Variants in NMT2 observed in about 807,000 individuals in gnomAD.
NMT2 encodes N-myristoyltransferase 2.
A neutral mutation model predicts 65.4 loss-of-function variants in NMT2; 35 were observed. The ratio of observed to expected loss-of-function variants is 0.54; its 90% CI spans 0.41 to 0.71. The LOEUF is 0.71. Among genes scored for constraint, NMT2 ranks in the 30% least tolerant of loss-of-function variants. The pLI, the probability that NMT2 is intolerant of heterozygous loss-of-function variation, is 0.00. For missense variants in NMT2, 489 were observed against 611.3 expected (o/e 0.80, Z 2.11); for synonymous variants, 226 against 231.8 (o/e 0.98, Z 0.23).
intron 1 of NMT2, among the ~76,000 whole-genome samples, chr10:15,151,412 C>T (rs1391157654): frequency 1.3e-5 from 2 of 152,110 alleles, no homozygotes; most frequent in African/African-American, 4.8e-5. Context: ...ACACAAAAGC[C>T]CAATTCTGAT....
chr10:15,146,266 G>A (rs868228860), intron 1 of NMT2, among the ~76,000 whole-genome samples: 7 of 152,312 alleles, frequency 4.6e-5, no homozygotes, highest in Middle Eastern at 3.4e-3. Context: ...CCATGGAAAT[G>A]GCAAAAATTT....
chr10:15,106,752 C>T lies in NMT2; in HGVS notation c.*2443G>A. The stretch of plus-strand genomic sequence containing the variant: ...AGGCTTTGCAGGCCACACAATCTGT[C>T]ACAACAACTCAACTCAGCTTTGTAG... On this transcript the variant is annotated 3_prime_UTR_variant, in exon 12 of 12. Coordinates refer to ENST00000378165, the MANE Select transcript of NMT2 (RefSeq NM_004808.3). The T allele has an allele frequency of 3.3e-6, 2 of 614,588 alleles. No individual in the cohort carries two copies. The highest frequency in any genetic ancestry group is 4.1e-6 in the Non-Finnish European group (2 of 491,248). The allele number at this position is 614,588 out of a possible 1,614,324, so 38.1% of individuals were successfully genotyped here.
chr10:15,151,504 A>G (rs1251517881), intron 1 of NMT2, among the ~76,000 whole-genome samples: 1 of 152,240 alleles, frequency 6.6e-6, no homozygotes, highest in Admixed American at 6.5e-5. Flanking sequence ...TTAGTTTGTG[A>G]AGTAAGACCT....
At chr10:15,168,450 G>A in intron 1 of NMT2, 53 bp downstream of exon 1, 1 of 1,359,446 alleles carries the variant, frequency 7.4e-7, no homozygotes, top group Non-Finnish European at 1.0e-6. Flanking sequence ...GGAGACCGTG[G>A]CGCGCGCGGT....
intron 6 of NMT2, 36 bp downstream of exon 6, chr10:15,132,781 C>T: frequency 7.1e-7 from 1 of 1,412,472 alleles, no homozygotes; most frequent in Non-Finnish European, 9.8e-7. Context: ...AGAAAATAAA[C>T]ATATAAAAAC....
At chr10:15,115,901 T>C (rs1845728122) in intron 9 of NMT2, among the ~76,000 whole-genome samples, 1 of 152,082 alleles carries the variant, frequency 6.6e-6, no homozygotes, top group Non-Finnish European at 1.5e-5. Flanking sequence ...CTAATATACA[T>C]GTGAGTATCA....
At chr10:15,161,444 T>G (rs1405877618) in intron 1 of NMT2, among the ~76,000 whole-genome samples, 1 of 152,156 alleles carries the variant, frequency 6.6e-6, no homozygotes, top group Non-Finnish European at 1.5e-5. Flanking sequence ...CTCCACCTCC[T>G]GGGTTCAAGT....
rs1257250138 is a variant in NMT2, at chr10:15,133,331, G to A, written c.424C>T (p.Pro142Ser). ...EVITSHGAIE[P>S]DKDNVRQEPY... ...TCTTGGCGTACGTTGTCTTTATCTG[G>A]TTCAATTGCACCATGAGATGTTATG... Residue 142 changes from proline to serine, a missense_variant, in exon 4 of 12, where the codon CCA (proline) becomes TCA (serine). Coordinates refer to ENST00000378165, the MANE Select transcript of NMT2 (RefSeq NM_004808.3). 1 of 1,613,808 alleles carries A rather than the reference G, an allele frequency of 6.2e-7. No individual in the cohort carries two copies. Among genetic ancestry groups the A allele is most frequent in the Non-Finnish European group, 8.5e-7 (1 of 1,179,828 alleles).
At chr10:15,138,177 A>G (rs1392532082) in intron 2 of NMT2, among the ~76,000 whole-genome samples, 3 of 151,748 alleles carry the variant, frequency 2.0e-5, no homozygotes, top group African/African-American at 7.3e-5. Context: ...CGCCTGGCTA[A>G]TTTTTGTATT....
At chr10:15,136,802 G>A (rs1043342059) in intron 2 of NMT2, among the ~76,000 whole-genome samples, 3 of 150,130 alleles carry the variant, frequency 2.0e-5, no homozygotes, top group Admixed American at 6.6e-5. Context: ...CAATATTCCC[G>A]CCAGCTCTTG....
At chr10:15,149,856 T>C (rs555918442) in intron 1 of NMT2, among the ~76,000 whole-genome samples, 1 of 152,298 alleles carries the variant, frequency 6.6e-6, no homozygotes, top group African/African-American at 2.4e-5. Context: ...AAAATCCACA[T>C]AATTACTACC....
At chr10:15,133,610 G>A (rs897687512) in intron 3 of NMT2, among the ~76,000 whole-genome samples, 2 of 151,952 alleles carry the variant, frequency 1.3e-5, no homozygotes, top group African/African-American at 4.8e-5. Context: ...CTTTTGAGAC[G>A]GGGTCTCACT....
chr10:15,132,838 G>A lies in NMT2; in HGVS notation c.698C>T (p.Ala233Val), dbSNP rs145631237. ...GTACCTGTCATAAATCCGAATGTTT[G>A]CTGGGATGGCACTTATGAACCCGAC... ...KLVGFISAIP[A>V]NIRIYDSVKK... Residue 233 changes from alanine to valine, a missense_variant, in exon 6 of 12, where the codon GCA (alanine) becomes GTA (valine). Physicochemically the swap from Ala to Val is moderately conservative, Grantham distance 64 (BLOSUM62 0). Coordinates refer to ENST00000378165, the MANE Select transcript of NMT2 (RefSeq NM_004808.3). The A allele has an allele frequency of 9.3e-6, 15 of 1,612,006 alleles. No homozygotes were observed. The African/African-American group carries it at 2.0e-4, about 22-fold the overall frequency.
chr10:15,142,433 G>A (rs1181178779), intron 1 of NMT2, among the ~76,000 whole-genome samples: 5 of 152,108 alleles, frequency 3.3e-5, no homozygotes, highest in Non-Finnish European at 7.4e-5. Context: ...ACAGTGGCAC[G>A]CACTTGTAGT....
At chr10:15,167,487 C>T (rs1251692933) in intron 1 of NMT2, among the ~76,000 whole-genome samples, 2 of 152,104 alleles carry the variant, frequency 1.3e-5, no homozygotes, top group Non-Finnish European at 2.9e-5. Flanking sequence ...TTAAGCTGAC[C>T]CACTTCTCCA....
intron 9 of NMT2, among the ~76,000 whole-genome samples, chr10:15,115,672 A>G (rs1316592284): frequency 6.6e-6 from 1 of 152,246 alleles, no homozygotes; most frequent in East Asian, 1.9e-4. Context: ...GGGTAAAGAA[A>G]CATGACCCAG....
Position 15,128,380 on chromosome 10 carries a change from C to G in NMT2, c.969G>C (p.Gln323His). Residue 323 changes from glutamine to histidine, a missense_variant, in exon 8 of 12, where the codon CAG becomes CAC. Coordinates refer to ENST00000378165, the MANE Select transcript of NMT2 (RefSeq NM_004808.3). The stretch of plus-strand genomic sequence containing the variant: ...GAAGTCTGTATAGCTTCATTGTTCT[C>G]TGTAAAGTCATATTTCTACTCAAGT... ...FSHLSRNMTL[Q>H]RTMKLYRLPD... is the part of the protein sequence containing the mutation. 1 of 1,608,000 alleles carries G rather than the reference C, an allele frequency of 6.2e-7. No individual in the cohort carries two copies. Among genetic ancestry groups the G allele is most frequent in the African/African-American group, 1.3e-5 (1 of 74,910 alleles).
Position 15,108,043 on chromosome 10 carries a change from T to C in NMT2, c.*1152A>G, listed in dbSNP as rs1486239860. The C allele has an allele frequency of 1.0e-6, 1 of 985,714 alleles. No individual in the cohort carries two copies. The highest frequency in any genetic ancestry group is 1.7e-5 in the African/African-American group (1 of 57,250). 61.1% of individuals were successfully genotyped at this position (985,714 alleles called of 1,614,324 possible). A position where few individuals can be genotyped will look rare whatever the true frequency, so the allele number is the denominator to read the frequency against. On this transcript the variant is annotated 3_prime_UTR_variant, in exon 12 of 12. Transcript: ENST00000378165. ...AACATTCAAACTATCAATGCCCTGA[T>C]AGCACGAATAAGTTCCACCAGGCAT...
chr10:15,160,715 A>G (rs1833158773), intron 1 of NMT2, among the ~76,000 whole-genome samples: 1 of 152,074 alleles, frequency 6.6e-6, no homozygotes, highest in Non-Finnish European at 1.5e-5. Context: ...TGGACGTTGC[A>G]GTGAGCAAAG....
Sources: gnomAD v4.1 joint callset for allele counts (sites outside exome capture counted in the v4.1 genomes callset) on GRCh38, gnomAD v4.1.1 for gene constraint, MANE v1.5 for transcripts, NCBI Gene and HGNC (gene_info 2026-07-23, HGNC 2026-07-21) for gene names.